The following CDKL5 variants were observed in gnomAD, a reference collection of about 807,000 sequenced individuals.
The protein encoded by CDKL5 is cyclin dependent kinase like 5.
In CDKL5, 8 loss-of-function variants were observed where a neutral mutation model predicts 61.7. The observed-to-expected ratio is 0.13, with a 90% CI of 0.08 to 0.23. The LOEUF is 0.23. CDKL5 is among the 10% of genes least tolerant of loss of function. CDKL5 has a pLI of 1.00. For synonymous variants in CDKL5, 275 were observed against 272.3 expected, an observed-to-expected ratio of 1.01 and a Z score of -0.10; for missense variants, 440 against 734.5, an observed-to-expected ratio of 0.60 and a Z score of 4.63.
chrX:18,544,560 A>G, intron 3 of CDKL5, among the ~76,000 whole-genome samples: 1 of 112,019 alleles, frequency 8.9e-6, no homozygotes, highest in South Asian at 3.7e-4. Flanking sequence ...CCACTCAGGT[A>G]GTAGGTGGTA....
Position 18,623,760 on chromosome X carries a change from C to T in CDKL5, c.2377-1368C>T, listed in dbSNP as rs184383606. ...CACAGAAGCTCTAGATGCACAGCACCGAGATTCTTTCAGTGACTGTTAATA... is the reference window on the plus strand; with the variant it reads ...CACAGAAGCTCTAGATGCACAGCACTGAGATTCTTTCAGTGACTGTTAATA... On this transcript the variant is annotated intron_variant, in intron 16 of 17. Transcript: ENST00000623535. 5.8e-3 allele frequency: 1,451 copies of T among 248,067 alleles called. 4 individuals are homozygous for T. The highest frequency in any genetic ancestry group is 7.3e-3 in the Non-Finnish European group (1,317 of 179,282). 20.4% of individuals were successfully genotyped at this position (248,067 alleles called of 1,213,427 possible). A position where few individuals can be genotyped will look rare whatever the true frequency, so the allele number is the denominator to read the frequency against.
At chrX:18,563,073 G>C (rs1238325336) in intron 3 of CDKL5, among the ~76,000 whole-genome samples, 3 of 111,921 alleles carry the variant, frequency 2.7e-5, no homozygotes, top group Non-Finnish European at 5.7e-5. Flanking sequence ...GAGTCTTTCA[G>C]TTAGAATAGA....
At chrX:18,650,580 A>C in exon 21 of CDKL5, 1 of 1,211,999 alleles carries the variant, frequency 8.3e-7, no homozygotes, top group African/African-American at 1.7e-5. Context: ...CAGCTGCCCA[A>C]CCCAGCAATC....
At chrX:18,464,620 T>C (rs1932360824) in intron 1 of CDKL5, among the ~76,000 whole-genome samples, 1 of 111,569 alleles carries the variant, frequency 9.0e-6, no homozygotes, top group Admixed American at 9.6e-5. Flanking sequence ...AAACACTTCA[T>C]AAGGTATAGG....
chrX:18,630,919 G>T lies in CDKL5; in HGVS notation c.*2162G>T. On this transcript the variant is annotated 3_prime_UTR_variant, in exon 18 of 18. Coordinates refer to ENST00000623535, the MANE Select transcript of CDKL5 (RefSeq NM_001323289.2). ...CCTGGACACTAATGACTCTAAAAGG[G>T]TGTGTATTTAACTCTTCTTTTTCAT... 1.3e-6 allele frequency: 1 copy of T among 748,918 alleles called. No individual in the cohort carries two copies. Among genetic ancestry groups the T allele is most frequent in the Non-Finnish European group, 1.6e-6 (1 of 638,080 alleles). The allele number at this position is 748,918 out of a possible 1,213,427, so 61.7% of individuals were successfully genotyped here. A position where few individuals can be genotyped will look rare whatever the true frequency, so the allele number is the denominator to read the frequency against.
intron 1 of CDKL5, among the ~76,000 whole-genome samples, chrX:18,460,151 G>A (rs368464334): frequency 1.8e-5 from 2 of 110,279 alleles, no homozygotes; most frequent in East Asian, 2.8e-4. Context: ...CGCCCGCCTC[G>A]GCCTTCCAAA....
intron 1 of CDKL5, among the ~76,000 whole-genome samples, chrX:18,431,858 A>C (rs925472874): frequency 9.1e-6 from 1 of 109,458 alleles, no homozygotes; most frequent in Non-Finnish European, 1.9e-5. Flanking sequence ...TCACCCCCCA[A>C]AATTCTCTCC....
intron 3 of CDKL5, among the ~76,000 whole-genome samples, chrX:18,539,225 T>C (rs1320420353): frequency 1.8e-5 from 2 of 112,132 alleles, no homozygotes; most frequent in African/African-American, 6.5e-5. Flanking sequence ...TTATTTCTGC[T>C]TTTATCATGA....
At chrX:18,486,063 C>T (rs1309754851) in intron 1 of CDKL5, among the ~76,000 whole-genome samples, 1 of 111,298 alleles carries the variant, frequency 9.0e-6, no homozygotes, top group African/African-American at 3.3e-5. Flanking sequence ...GTATAGAAGC[C>T]TTTTATGATT....
chrX:18,518,131 CAT>C (rs1923089485), intron 3 of CDKL5, among the ~76,000 whole-genome samples: 1 of 109,895 alleles, frequency 9.1e-6, no homozygotes, highest in Non-Finnish European at 1.9e-5. Flanking sequence ...TATATTAAAG[CAT>C]TTTAATTTAA....
chrX:18,479,058 G>A (rs1921441422), intron 1 of CDKL5, among the ~76,000 whole-genome samples: 1 of 111,254 alleles, frequency 9.0e-6, no homozygotes, highest in African/African-American at 3.3e-5. Flanking sequence ...TTGCTGTGTT[G>A]ACCAGGCTGG....
intron 3 of CDKL5, among the ~76,000 whole-genome samples, chrX:18,523,936 A>G (rs902922973): frequency 2.7e-5 from 3 of 111,971 alleles, no homozygotes; most frequent in South Asian, 3.7e-4. Flanking sequence ...TTGATCTTGT[A>G]TTATGCAACT....
Position 18,634,519 on chromosome X carries a change from G to T in CDKL5, c.*5762G>T, listed in dbSNP as rs760379420. The T allele has an allele frequency of 2.9e-5, 22 of 752,643 alleles. No homozygotes were observed. The East Asian group carries it at 2.7e-3, about 94-fold the overall frequency. The allele number at this position is 752,643 out of a possible 1,213,427, so 62.0% of individuals were successfully genotyped here. Reference sequence around the variant, plus strand: ...CAAAAAAGATGCTTATCGTCCCGGAGAATGTGTAAGTAAGTTCTCCAGCAC... The same window carrying T: ...CAAAAAAGATGCTTATCGTCCCGGATAATGTGTAAGTAAGTTCTCCAGCAC... On this transcript the variant is annotated 3_prime_UTR_variant, in exon 18 of 18. Coordinates refer to ENST00000623535, the MANE Select transcript of CDKL5 (RefSeq NM_001323289.2).
rs727503847 is a variant in CDKL5 at position 18,625,139 on chromosome X, C to T, written c.2388C>T (p.Ser796=). 6 of 1,204,977 alleles carry T rather than the reference C, an allele frequency of 5.0e-6. No individual in the cohort carries two copies. Among genetic ancestry groups the T allele is most frequent in the Admixed American group, 4.4e-5 (2 of 45,405 alleles). ...ATATTTTGCTCTAGGTACCCAATTC[C>T]GACAGCCCTGATCTTCTGACGTTGC... ...KKKKSQTVPN[S]DSPDLLTLQK... is the part of the protein sequence containing the mutation. Residue 796 remains serine (S), a synonymous_variant, in exon 17 of 18, where the codon TCC becomes TCT. Coordinates refer to ENST00000623535, the MANE Select transcript of CDKL5 (RefSeq NM_001323289.2).
At chrX:18,602,373 G>A (rs1308481018) in intron 11 of CDKL5, among the ~76,000 whole-genome samples, 1 of 112,386 alleles carries the variant, frequency 8.9e-6, no homozygotes, top group East Asian at 2.8e-4. Context: ...TTTAAAACCT[G>A]ATGCCTTTAG....
chrX:18,488,902 C>G (rs905093471), intron 1 of CDKL5, among the ~76,000 whole-genome samples: 1 of 111,720 alleles, frequency 9.0e-6, no homozygotes, highest in African/African-American at 3.3e-5. Flanking sequence ...CAACATGATA[C>G]ATAAAATGTA....
chrX:18,530,575 C>G (rs926736451), intron 3 of CDKL5, among the ~76,000 whole-genome samples: 11 of 111,351 alleles, frequency 9.9e-5, no homozygotes, highest in Non-Finnish European at 3.8e-5. Flanking sequence ...TGCGTGCTGT[C>G]TACTTTTCCT....
intron 4 of CDKL5, among the ~76,000 whole-genome samples, chrX:18,572,369 G>A (rs1381526181): frequency 8.9e-6 from 1 of 112,002 alleles, no homozygotes; most frequent in Non-Finnish European, 1.9e-5. Context: ...ATAATAGTAC[G>A]ATGTTTTTTC....
intron 8 of CDKL5, among the ~76,000 whole-genome samples, chrX:18,585,223 G>A (rs753926944): frequency 9.1e-6 from 1 of 110,286 alleles, no homozygotes; most frequent in Non-Finnish European, 1.9e-5. Flanking sequence ...GTGAAACCCC[G>A]TCTCTACAAA....
Sources: allele counts gnomAD v4.1 joint callset (sites outside exome capture counted in the v4.1 genomes callset), GRCh38; gene constraint gnomAD v4.1.1; transcripts MANE v1.5; gene names NCBI Gene and HGNC (gene_info 2026-07-23, HGNC 2026-07-21).